FSD1: variants seen among roughly 807,000 people sequenced by gnomAD.
FSD1 encodes the protein fibronectin type III and SPRY domain containing 1.
FSD1 carries 23 observed loss-of-function variants against 58.2 expected under a neutral mutation model. That is an observed-to-expected ratio of 0.40 (90% confidence interval 0.28 to 0.56). FSD1 has a LOEUF of 0.56. FSD1 is among the 20% of genes least tolerant of loss of function. The pLI, the probability that FSD1 is intolerant of heterozygous loss-of-function variation, is 0.54. For synonymous variants in FSD1, 265 were observed against 263.4 expected (o/e 1.01, Z -0.06); for missense variants, 563 against 670.8 (o/e 0.84, Z 1.78).
chr19:4,312,124 T>G (rs1344225149), intron 7 of FSD1, 73 bp downstream of exon 7: 1 of 1,312,550 alleles, frequency 7.6e-7, no homozygotes, highest in African/African-American at 1.4e-5. Context: ...TCGCCATCAG[T>G]CACTGGGGGC....
rs1266505367 is a variant in FSD1, at chr19:4,323,411, C to T, written c.1355C>T (p.Thr452Ile). ...CTGCACACTTTCAAGACCAGGTTCA[C>T]ACAGCCGCTGCTGCCTGCTTTCACG... ...QVLHTFKTRF[T>I]QPLLPAFTVW... Residue 452 changes from threonine to isoleucine, a missense_variant, in exon 12 of 13, where the codon ACA (threonine) becomes ATA (isoleucine). Physicochemically the swap from Thr to Ile is moderately conservative, Grantham distance 89. Transcript: ENST00000221856. The surrounding 1 kb of genome is among the most constrained non-coding windows in gnomAD (Gnocchi z 7.7). The T allele has an allele frequency of 1.9e-6, 3 of 1,613,912 alleles. No homozygotes were observed. In the Middle Eastern group the frequency reaches 5.0e-4, roughly 266 times the overall value.
chr19:4,310,349 CAG>C (rs1415794072), intron 5 of FSD1, 54 bp downstream of exon 5: 7 of 1,611,480 alleles, frequency 4.3e-6, no homozygotes, highest in Non-Finnish European at 5.9e-6. Context: ...GGTGTGAAGA[CAG>C]GGGCCACCTG....
intron 7 of FSD1, 82 bp downstream of exon 7, chr19:4,312,133 G>A: frequency 8.0e-7 from 1 of 1,252,012 alleles, no homozygotes; most frequent in South Asian, 1.4e-5. Flanking sequence ...GTCACTGGGG[G>A]CCTTGGGGAC....
rs780907933 is a variant in FSD1, at chr19:4,310,513, C to T, written c.407C>T (p.Ala136Val). Residue 136 changes from alanine (A) to valine (V), a missense_variant, in exon 6 of 13, where the codon GCG becomes GTG. Transcript: ENST00000221856. ...MAPAFRLSLK[A>V]KVSDNMSHLM... ...CCTGCCTTCCGGCTATCATTGAAAG[C>T]GAAGGTCAGTGACAACATGAGTCAC... The T allele has an allele frequency of 9.9e-6, 16 of 1,613,512 alleles. No individual in the cohort carries two copies. The highest frequency in any genetic ancestry group is 4.5e-5 in the East Asian group (2 of 44,856).
chr19:4,304,920 C>T (rs1306410549), intron 1 of FSD1, among the ~76,000 whole-genome samples, 159 bp downstream of exon 1: 1 of 147,018 alleles, frequency 6.8e-6, no homozygotes, highest in African/African-American at 2.5e-5. Flanking sequence ...TCTAGCCCCC[C>T]TACCCCAGTT....
chr19:4,307,831 C>A, intron 3 of FSD1, 51 bp from the exon 4 acceptor site: 2 of 1,417,004 alleles, frequency 1.4e-6, no homozygotes, highest in South Asian at 1.2e-5. Flanking sequence ...CCTCAGGGGG[C>A]CTGAGGCAGT....
At chr19:4,311,816 C>A in intron 6 of FSD1, 26 bp from the exon 7 acceptor site, 3 of 1,610,248 alleles carry the variant, frequency 1.9e-6, no homozygotes, top group Non-Finnish European at 2.5e-6. Flanking sequence ...AGAATCCCGA[C>A]CCCCTCTCCT....
At chr19:4,319,310 A>G (rs1971789563) in intron 10 of FSD1, among the ~76,000 whole-genome samples, 1 of 152,030 alleles carries the variant, frequency 6.6e-6, no homozygotes, top group Non-Finnish European at 1.5e-5. Context: ...CTATAGAGCA[A>G]CTGGGTTTGT....
chr19:4,310,517 G>A lies in FSD1; in HGVS notation c.411G>A (p.Lys137=). ...CCTTCCGGCTATCATTGAAAGCGAA[G>A]GTCAGTGACAACATGAGTCACCTCA... ...APAFRLSLKA[K]VSDNMSHLMV... Residue 137 remains lysine (K), a synonymous_variant, in exon 6 of 13, where the codon AAG becomes AAA. Transcript: ENST00000221856. 6.2e-7 allele frequency: 1 copy of A among 1,613,832 alleles called. No individual in the cohort carries two copies. Among genetic ancestry groups the A allele is most frequent in the Non-Finnish European group, 8.5e-7 (1 of 1,179,840 alleles).
rs1438100510 is a variant in FSD1 at position 4,310,254 on chromosome 19, G to C, written c.346-19G>C. On this transcript the variant is annotated intron_variant, in intron 4 of 12. Coordinates refer to ENST00000221856, the MANE Select transcript of FSD1 (RefSeq NM_024333.3). ...ACAAAAAAAGAAATCTTTGAATGTT[G>C]TTCTGTTCCTCTCTCTAGGCTGCCA... The C allele has an allele frequency of 1.2e-6, 2 of 1,614,056 alleles. No individual in the cohort carries two copies. The highest frequency in any genetic ancestry group is 2.2e-5 in the South Asian group (2 of 91,082).
At chr19:4,311,733 C>A in intron 6 of FSD1, 109 bp from the exon 7 acceptor site, 1 of 909,704 alleles carries the variant, frequency 1.1e-6, no homozygotes, top group Non-Finnish European at 1.8e-6. Context: ...CCCTTTGTGG[C>A]CATGCCCCCA....
At chr19:4,317,440 C>T (rs1309797384) in intron 8 of FSD1, among the ~76,000 whole-genome samples, 160 bp downstream of exon 8, 1 of 152,134 alleles carries the variant, frequency 6.6e-6, no homozygotes, top group Non-Finnish European at 1.5e-5. Context: ...TCTGCTATAA[C>T]CCTGTTTTTG....
In FSD1 at chr19:4,322,992, C is replaced by T. The variant is rs1178944503; in HGVS notation, c.1046C>T (p.Thr349Met). The T allele has an allele frequency of 7.5e-6, 12 of 1,610,118 alleles. No homozygotes were observed. The highest frequency in any genetic ancestry group is 6.6e-5 in the South Asian group (6 of 90,670). ...CTCCTGCCCTGCGCCACAGGGGACA[C>T]GCTGATCGACGGCGGGGAGCATTAC... Reference protein sequence around the residue: ...TAESYTVLGDTLIDGGEHYWE... With the variant: ...TAESYTVLGDMLIDGGEHYWE... Residue 349 changes from threonine (T) to methionine (M), a missense_variant, in exon 11 of 13, where the codon ACG becomes ATG. Transcript: ENST00000221856.
In FSD1 at chr19:4,312,041, C is replaced by T; in HGVS notation, c.690C>T (p.Tyr230=). ...MVIEGIRQTE[Y]TLTGLKFDMK... ...TCGAGGGCATCCGGCAGACAGAGTA[C>T]ACCCTGACAGGTAAGGGCAGTGTGT... is the stretch of plus-strand genomic sequence containing the variant. The change falls in exon 7 of 13, where the codon TAC becomes TAT. Residue 230 remains tyrosine (Y), a synonymous_variant. Coordinates refer to ENST00000221856, the MANE Select transcript of FSD1 (RefSeq NM_024333.3). 1.9e-6 allele frequency: 3 copies of T among 1,606,746 alleles called. No individual in the cohort carries two copies. The highest frequency in any genetic ancestry group is 2.5e-6 in the Non-Finnish European group (3 of 1,179,538).
rs530748492 is a variant in FSD1 at position 4,323,831 on chromosome 19, A to G, written c.*188A>G. ...CCTCACCTCTTAATAAAGGTCAGAC[A>G]CTGGCCAGGCGAGGCCGCGGTGCTG... On this transcript the variant is annotated 3_prime_UTR_variant, in exon 13 of 13. Transcript: ENST00000221856. This position sits in a 1 kb window ranked among gnomAD's most constrained non-coding sequence, Gnocchi z 7.7. 690 of 612,370 alleles carry G rather than the reference A, an allele frequency of 1.1e-3. 7 individuals carry two copies. In the South Asian group the frequency reaches 0.013, roughly 12 times the overall value. 37.9% of individuals were successfully genotyped at this position (612,370 alleles called of 1,614,324 possible).
At chr19:4,305,244 C>A (rs1971605394) in intron 1 of FSD1, among the ~76,000 whole-genome samples, 1 of 150,048 alleles carries the variant, frequency 6.7e-6, no homozygotes, top group Non-Finnish European at 1.5e-5. Flanking sequence ...CCCCTCCCCG[C>A]TTACCTGGCG....
intron 10 of FSD1, among the ~76,000 whole-genome samples, chr19:4,320,651 C>G (rs1971803249): frequency 6.6e-6 from 1 of 151,818 alleles, no homozygotes; most frequent in Non-Finnish European, 1.5e-5. Context: ...GGGGGAATAC[C>G]CGGGAATCAA....
intron 7 of FSD1, among the ~76,000 whole-genome samples, chr19:4,313,032 G>T (rs1282983535): frequency 6.6e-6 from 1 of 151,552 alleles, no homozygotes; most frequent in Admixed American, 6.6e-5. Flanking sequence ...CAAGTATTTG[G>T]GGTCCTCCTT....
chr19:4,310,502 A>G lies in FSD1; in HGVS notation c.396A>G (p.Leu132=), dbSNP rs751114504. The change falls in exon 6 of 13, where the codon CTA becomes CTG. Residue 132 remains leucine (L), a synonymous_variant. Transcript: ENST00000221856. ...TGACCATGGCCCCTGCCTTCCGGCT[A>G]TCATTGAAAGCGAAGGTCAGTGACA... ...DGVTMAPAFR[L]SLKAKVSDNM... 15 of 1,613,358 alleles carry G rather than the reference A, an allele frequency of 9.3e-6. 1 individual carries two copies. In the South Asian group the frequency reaches 1.3e-4, roughly 14 times the overall value.
Sources: allele counts gnomAD v4.1 joint callset (sites outside exome capture counted in the v4.1 genomes callset), GRCh38; gene constraint gnomAD v4.1.1; non-coding constraint Gnocchi (gnomAD v3.1); transcripts MANE v1.5; gene names NCBI Gene and HGNC (gene_info 2026-07-23, HGNC 2026-07-21).